Variants in RXFP1 observed in about 807,000 individuals in gnomAD.
RXFP1 encodes relaxin family peptide receptor 1.
Under a neutral mutation model 89.8 loss-of-function variants are expected in RXFP1, and 73 were observed. The ratio of observed to expected loss-of-function variants is 0.81; its 90% CI spans 0.67 to 0.99. The LOEUF (loss-of-function observed/expected upper bound fraction) is 0.99. RXFP1 is among the 50% of genes least tolerant of loss of function. RXFP1 has a pLI of 0.00. For missense variants in RXFP1, 793 were observed against 895.5 expected, an observed-to-expected ratio of 0.89 and a Z score of 1.46; for synonymous variants, 277 against 305.5, an observed-to-expected ratio of 0.91 and a Z score of 0.97.
intron 2 of RXFP1, among the ~76,000 whole-genome samples, chr4:158,583,091 C>T (rs2150034855): frequency 6.6e-6 from 1 of 152,306 alleles, no homozygotes; most frequent in Non-Finnish European, 1.5e-5. Flanking sequence ...AGAAGGAAAA[C>T]TTTGTTAATG....
chr4:158,628,820 A>G, intron 11 of RXFP1, 111 bp downstream of exon 11: 1 of 518,036 alleles, frequency 1.9e-6, no homozygotes. Flanking sequence ...CCTCTTTCTA[A>G]GCATTATTTA....
chr4:158,542,094 TATATATA>T (rs1295895488), intron 1 of RXFP1, among the ~76,000 whole-genome samples: 3 of 40,038 alleles, frequency 7.5e-5, no homozygotes, highest in Non-Finnish European at 1.7e-4. Flanking sequence ...TATATATATA[TATATATA>T]TATATATATT....
intron 12 of RXFP1, 122 bp from the exon 13 acceptor site, chr4:158,637,886 A>G (rs939630592): frequency 4.9e-5 from 32 of 648,924 alleles, no homozygotes; most frequent in Non-Finnish European, 8.3e-5. Flanking sequence ...TCTTTCATCC[A>G]TTACGAGTTA....
intron 2 of RXFP1, among the ~76,000 whole-genome samples, chr4:158,578,902 G>A (rs1040366938): frequency 6.6e-6 from 1 of 151,386 alleles, no homozygotes; most frequent in African/African-American, 2.4e-5. Context: ...GTCGTGTAGT[G>A]TGTTAGTATC....
Position 158,651,920 on chromosome 4 carries a change from T to A in RXFP1, c.2139T>A (p.Tyr713Ter). 1 of 1,614,180 alleles carries A rather than the reference T, an allele frequency of 6.2e-7. No individual in the cohort carries two copies. The highest frequency in any genetic ancestry group is 8.5e-7 in the Non-Finnish European group (1 of 1,180,038). ...TGGACAGCAAAGGTCAGAAAACATA[T>A]GCTCCATCATTCATCTGGGTGGAAA... is the stretch of plus-strand genomic sequence containing the variant. ...KSMDSKGQKTYAPSFIWVEMW... is the reference protein window; with the variant it reads ...KSMDSKGQKT The change falls in exon 18 of 18, where the codon TAT (tyrosine) becomes TAA (stop). Residue 713 changes from tyrosine (Y) to a stop codon, truncating the protein, a stop_gained. Coordinates refer to ENST00000307765, the MANE Select transcript of RXFP1 (RefSeq NM_021634.4). LOFTEE classifies it high-confidence loss of function.
At position 158,590,290 on chromosome 4, in the gene RXFP1, G is replaced by A. The variant is rs866139804; in HGVS notation, c.188-3111G>A. ...AGCGATTCTCACGCCTCAGCCTCCC[G>A]AGTAGCTGGGACTACAGGCATGTAT... On this transcript the variant is annotated intron_variant, in intron 2 of 17. Coordinates refer to ENST00000307765, the MANE Select transcript of RXFP1 (RefSeq NM_021634.4). Among the ~76,000 whole-genome samples, 21 of 151,960 alleles carry A rather than the reference G, an allele frequency of 1.4e-4. 1 individual carries two copies. The highest frequency in any genetic ancestry group is 4.6e-4 in the African/African-American group (19 of 41,362).
chr4:158,553,979 G>A (rs944046257), intron 1 of RXFP1, among the ~76,000 whole-genome samples: 1 of 152,050 alleles, frequency 6.6e-6, no homozygotes, highest in Non-Finnish European at 1.5e-5. Flanking sequence ...TGACATTTTT[G>A]GACAGATAAA....
At chr4:158,613,124 C>T (rs764309264) in intron 8 of RXFP1, among the ~76,000 whole-genome samples, 1 of 152,150 alleles carries the variant, frequency 6.6e-6, no homozygotes, top group African/African-American at 2.4e-5. Flanking sequence ...AATGTGCATA[C>T]CTTAATTTTA....
chr4:158,633,444 T>C lies in RXFP1; in HGVS notation c.939T>C (p.Leu313=). Residue 313 remains leucine (L), a synonymous_variant, in exon 12 of 18, where the codon CTT becomes CTC. Transcript: ENST00000307765. The part of the protein sequence containing the change: ...GSNKIENLPP[L]IFKDLKELSQ... ...ATAAGATTGAAAATCTTCCACCGCT[T>C]ATATTCAAGGACCTGAAGGAGCTGT... 6.2e-7 allele frequency: 1 copy of C among 1,604,548 alleles called. No homozygotes were observed. Among genetic ancestry groups the C allele is most frequent in the South Asian group, 1.1e-5 (1 of 89,710 alleles).
At chr4:158,540,376 G>A (rs1014386461) in intron 1 of RXFP1, among the ~76,000 whole-genome samples, 7 of 151,888 alleles carry the variant, frequency 4.6e-5, no homozygotes, top group African/African-American at 1.5e-4. Context: ...TTGCCATGGC[G>A]CCTGTAAACT....
chr4:158,543,422 T>A (rs1201751863), intron 1 of RXFP1, among the ~76,000 whole-genome samples: 1 of 152,194 alleles, frequency 6.6e-6, no homozygotes, highest in Non-Finnish European at 1.5e-5. Flanking sequence ...TTTTTAGGTC[T>A]CATGGTCAGA....
chr4:158,573,258 T>G (rs1373490914), intron 2 of RXFP1, among the ~76,000 whole-genome samples: 1 of 152,174 alleles, frequency 6.6e-6, no homozygotes, highest in Admixed American at 6.5e-5. Flanking sequence ...TCCACCCACC[T>G]CTTCCTCCCA....
intron 9 of RXFP1, among the ~76,000 whole-genome samples, chr4:158,617,829 CCTCT>C (rs1764887527): frequency 6.6e-6 from 1 of 152,032 alleles, no homozygotes; most frequent in Non-Finnish European, 1.5e-5. Flanking sequence ...ATGAAAACTC[CCTCT>C]GTCTCTTATT....
intron 1 of RXFP1, among the ~76,000 whole-genome samples, chr4:158,555,613 T>C (rs1349894372): frequency 6.6e-6 from 1 of 152,250 alleles, no homozygotes; most frequent in Non-Finnish European, 1.5e-5. Context: ...ATGCACACAA[T>C]TTTATGGTCA....
chr4:158,573,345 C>T (rs1755540935), intron 2 of RXFP1, among the ~76,000 whole-genome samples: 1 of 152,130 alleles, frequency 6.6e-6, no homozygotes, highest in Non-Finnish European at 1.5e-5. Flanking sequence ...GTATCACAGC[C>T]AATATTCCAG....
At chr4:158,626,000 G>C (rs989225564) in intron 9 of RXFP1, among the ~76,000 whole-genome samples, 1 of 152,036 alleles carries the variant, frequency 6.6e-6, no homozygotes, top group African/African-American at 2.4e-5. Flanking sequence ...CGAAGAGACA[G>C]TAAAACATAA....
intron 9 of RXFP1, among the ~76,000 whole-genome samples, chr4:158,623,097 T>G (rs1291255133): frequency 2.0e-5 from 3 of 152,160 alleles, no homozygotes; most frequent in African/African-American, 4.8e-5. Flanking sequence ...ATGCTATAAC[T>G]GCCAATGTCC....
At chr4:158,541,010 TA>T (rs993339686) in intron 1 of RXFP1, among the ~76,000 whole-genome samples, 3 of 151,846 alleles carry the variant, frequency 2.0e-5, no homozygotes, top group Non-Finnish European at 4.4e-5. Flanking sequence ...ATGGCAATCC[TA>T]AAAAAAAGAA....
At position 158,598,316 on chromosome 4, in the gene RXFP1, A is replaced by C. The variant is rs1181081208; in HGVS notation, c.287-1010A>C. On this transcript the variant is annotated intron_variant, in intron 3 of 17. Coordinates refer to ENST00000307765, the MANE Select transcript of RXFP1 (RefSeq NM_021634.4). The stretch of plus-strand genomic sequence containing the variant: ...TGAGGAAGTTGGTAGATGTAGCTAC[A>C]CATGTTCCTATTCTAATATGGCAAC... 2.0e-5 allele frequency among the ~76,000 whole-genome samples: 3 copies of C among 152,316 alleles called. No homozygotes were observed. The East Asian group carries it at 5.8e-4, about 29-fold the overall frequency.
Sources: gnomAD v4.1 joint callset for allele counts (sites outside exome capture counted in the v4.1 genomes callset) on GRCh38, gnomAD v4.1.1 for gene constraint, MANE v1.5 for transcripts, NCBI Gene and HGNC (gene_info 2026-07-23, HGNC 2026-07-21) for gene names.